The following PSPC1 variants were observed in gnomAD, a reference collection of about 807,000 sequenced individuals.
The protein encoded by PSPC1 is paraspeckle component 1.
PSPC1 carries 14 observed loss-of-function variants against 51.6 expected under a neutral mutation model. That is an observed-to-expected ratio of 0.27 (90% CI 0.18 to 0.42). PSPC1 has a LOEUF of 0.42. Among genes scored for constraint, PSPC1 ranks in the 10% least tolerant of loss-of-function variants. The probability of loss-of-function intolerance (pLI) is 1.00; values close to 1 mark genes in which losing one functional copy is unlikely to be tolerated. For missense variants in PSPC1, 406 were observed against 701.1 expected (o/e 0.58, Z 4.75); for synonymous variants, 193 against 231.9 (o/e 0.83, Z 1.53).
At chr13:19,733,302 A>G (rs554163911) in intron 5 of PSPC1, among the ~76,000 whole-genome samples, 2 of 152,314 alleles carry the variant, frequency 1.3e-5, no homozygotes, top group East Asian at 1.9e-4. Context: ...AAGGGCAAGT[A>G]AAAGAATGGT....
downstream of PSPC1, chr13:19,672,780 C>G (rs1185857165): frequency 4.4e-6 from 1 of 227,922 alleles, no homozygotes; most frequent in East Asian, 9.7e-5. Context: ...AACCAGTACA[C>G]TATGAGACCT....
rs552463313 is a variant in PSPC1 at position 19,766,541 on chromosome 13, C to G, written c.674+5701G>C. 7.2e-5 allele frequency among the ~76,000 whole-genome samples: 11 copies of G among 152,106 alleles called. No homozygotes were observed. In the East Asian group the frequency reaches 2.1e-3, roughly 30 times the overall value. On this transcript the variant is annotated intron_variant, in intron 2 of 8. Transcript: ENST00000338910. ...AAATACAAAAAGTAAAAAAATTAGC[C>G]AAGTCTGGTGGCACATGCCTGTGGT...
intron 1 of PSPC1, among the ~76,000 whole-genome samples, chr13:19,776,678 T>C (rs909103517): frequency 1.3e-5 from 2 of 151,878 alleles, no homozygotes; most frequent in Non-Finnish European, 2.9e-5. Flanking sequence ...TGGCTAATTT[T>C]TTGTATTTTT....
chr13:19,756,345 ATT>A (rs1046114197), intron 3 of PSPC1, among the ~76,000 whole-genome samples: 1 of 152,030 alleles, frequency 6.6e-6, no homozygotes, highest in African/African-American at 2.4e-5. Context: ...TGCTTTGAGC[ATT>A]TTGTCCAATT....
At chr13:19,770,117 C>CAA (rs1370824305) in intron 2 of PSPC1, among the ~76,000 whole-genome samples, 6 of 152,138 alleles carry the variant, frequency 3.9e-5, no homozygotes, top group Admixed American at 3.9e-4. Flanking sequence ...ACTATACACA[C>CAA]AAAGATATGA....
Position 19,752,161 on chromosome 13 carries a change from C to T in PSPC1, c.771-694G>A, listed in dbSNP as rs564859758. ...GTAAAACCAGCTAGATTTTACTGAG[C>T]GTTATGTGCCAATTAATTGGGTAGG... On this transcript the variant is annotated intron_variant, in intron 3 of 8. Transcript: ENST00000338910. Among the ~76,000 whole-genome samples, 13 of 152,250 alleles carry T rather than the reference C, an allele frequency of 8.5e-5. No individual in the cohort carries two copies. The East Asian group carries it at 2.1e-3, about 25-fold the overall frequency.
chr13:19,757,224 C>A (rs1289565132), intron 3 of PSPC1, among the ~76,000 whole-genome samples: 1 of 152,032 alleles, frequency 6.6e-6, no homozygotes, highest in African/African-American at 2.4e-5. Flanking sequence ...GGTCTCACAA[C>A]TGAGAAGGGT....
chr13:19,738,005 G>A (rs1178133259), intron 5 of PSPC1, among the ~76,000 whole-genome samples: 1 of 152,090 alleles, frequency 6.6e-6, no homozygotes. Flanking sequence ...AGGCAGGATT[G>A]TTTGAGCTCA....
downstream of PSPC1, chr13:19,672,475 T>G (rs1290874630): frequency 6.9e-6 from 1 of 145,580 alleles, no homozygotes; most frequent in Admixed American, 7.0e-5. Context: ...AATTTTCTAC[T>G]AGCCCTGGTG....
chr13:19,700,704 G>A (rs9506359), downstream of PSPC1, among the ~76,000 whole-genome samples: 101,991 of 151,842 alleles, frequency 0.67, 36,714 homozygotes, highest in East Asian at 0.89. Flanking sequence ...TTTAAACTCA[G>A]TACTTCAAAT....
At chr13:19,728,722 T>C (rs1414568799) in intron 6 of PSPC1, among the ~76,000 whole-genome samples, 1 of 152,070 alleles carries the variant, frequency 6.6e-6, no homozygotes, top group Non-Finnish European at 1.5e-5. Flanking sequence ...ACCAAAATAA[T>C]GAAAAACTTG....
At chr13:19,751,227 GAA>G (rs558345710) in intron 4 of PSPC1, 42 bp downstream of exon 4, 2 of 1,375,118 alleles carry the variant, frequency 1.5e-6, no homozygotes, top group East Asian at 2.5e-5. Flanking sequence ...ACACTTAAGG[GAA>G]AAAAAAAATC....
At position 19,772,467 on chromosome 13, in the gene PSPC1, C is replaced by T; in HGVS notation, c.449G>A (p.Arg150His). ...CAAGGCTGCTCCATGTGTAGCGAAG[C>T]GAATCCGTAGAGGTCTGCTCTTGAG... ...TILKSRPLRI[R>H]FATHGAALTV... Residue 150 changes from arginine to histidine, a missense_variant, in exon 2 of 9, where the codon CGC (arginine) becomes CAC (histidine). This residue lies in a region of PSPC1 where 180 missense variants were observed against 337.9 expected (regional missense o/e 0.53). Transcript: ENST00000338910. 1 of 1,614,208 alleles carries T rather than the reference C, an allele frequency of 6.2e-7. No homozygotes were observed. The highest frequency in any genetic ancestry group is 8.5e-7 in the Non-Finnish European group (1 of 1,180,048).
Position 19,703,322 on chromosome 13 carries a change from C to T in PSPC1, c.1425G>A (p.Met475Ile). 1.2e-6 allele frequency: 2 copies of T among 1,612,268 alleles called. No individual in the cohort carries two copies. Among genetic ancestry groups the T allele is most frequent in the Admixed American group, 1.7e-5 (1 of 60,008 alleles). ...CTGTTCTACTCCCCATAGGTGAACCCATCTGAGATGGTGGTCCTTGAGGAA... is the reference window on the plus strand; with the variant it reads ...CTGTTCTACTCCCCATAGGTGAACCTATCTGAGATGGTGGTCCTTGAGGAA... Reference protein sequence around the residue: ...DRFPQGPPSQMGSPMGSRTGS... With the variant: ...DRFPQGPPSQIGSPMGSRTGS... Residue 475 changes from methionine to isoleucine, a missense_variant, in exon 9 of 9, where the codon ATG becomes ATA. Met to Ile is a conservative substitution (Grantham distance 10). Transcript: ENST00000338910.
chr13:19,681,756 C>T (rs1238365577), intron 6 of PSPC1, among the ~76,000 whole-genome samples: 1 of 152,050 alleles, frequency 6.6e-6, no homozygotes, highest in Non-Finnish European at 1.5e-5. Flanking sequence ...AATCTTATAC[C>T]GAGGAGTGTT....
In PSPC1 at chr13:19,730,321, C is replaced by G; in HGVS notation, c.1076G>C (p.Arg359Pro). The G allele has an allele frequency of 1.2e-6, 2 of 1,614,002 alleles. No homozygotes were observed. The highest frequency in any genetic ancestry group is 1.7e-6 in the Non-Finnish European group (2 of 1,179,984). ...QLRHEEEHRR[R>P]EEEMIRHREQ... ...TCTGTGTCGGATCATTTCTTCCTCA[C>G]GCCGCCGATGCTCCTCTTCATGTCT... is the stretch of plus-strand genomic sequence containing the variant. Residue 359 changes from arginine to proline, a missense_variant, in exon 6 of 9, where the codon CGT becomes CCT. Arg to Pro is a moderately radical substitution (Grantham distance 103). Transcript: ENST00000338910.
At chr13:19,673,274 G>C, downstream of PSPC1, 1 of 374,368 alleles carries the variant, frequency 2.7e-6, no homozygotes, top group South Asian at 2.0e-5. Flanking sequence ...GGGTTATGGA[G>C]AAGTTGAAAA....
rs562582016 is a variant in PSPC1, at chr13:19,763,607, C to T, written c.675-4189G>A. 5.6e-4 allele frequency among the ~76,000 whole-genome samples: 85 copies of T among 152,160 alleles called. 1 individual carries two copies. In the South Asian group the frequency reaches 0.017, roughly 30 times the overall value. ...GAAGTTTTCTCTGAAGTTTTCTCAT[C>T]GGTAAAATGGGATATCAGTGCATCA... On this transcript the variant is annotated intron_variant, in intron 2 of 8. Transcript: ENST00000338910.
At chr13:19,727,102 G>A (rs1246207966) in intron 6 of PSPC1, among the ~76,000 whole-genome samples, 1 of 152,160 alleles carries the variant, frequency 6.6e-6, no homozygotes, top group Non-Finnish European at 1.5e-5. Flanking sequence ...ACAAGAAAAA[G>A]AAACTTCTCA....
Sources: allele counts gnomAD v4.1 joint callset (sites outside exome capture counted in the v4.1 genomes callset), GRCh38; gene constraint gnomAD v4.1.1; regional missense constraint gnomAD v4.1.1; transcripts MANE v1.5; gene names NCBI Gene and HGNC (gene_info 2026-07-23, HGNC 2026-07-21).